Variants in SEC24D observed in about 807,000 individuals in gnomAD.
The protein encoded by SEC24D is protein transport protein Sec24D.
A neutral mutation model predicts 116.9 loss-of-function variants in SEC24D; 69 were observed. The ratio of observed to expected loss-of-function variants is 0.59; its 90% CI spans 0.49 to 0.72. SEC24D has a LOEUF of 0.72. Ranked by LOEUF, SEC24D falls within the 30% of genes least tolerant of loss-of-function variation. The pLI is 0.00. For synonymous variants in SEC24D, 405 were observed against 442.8 expected (o/e 0.91, Z 1.07); for missense variants, 1,131 against 1,264.1 (o/e 0.89, Z 1.60).
chr4:118,817,877 A>C (rs1225431191), intron 3 of SEC24D, among the ~76,000 whole-genome samples: 1 of 152,082 alleles, frequency 6.6e-6, no homozygotes, highest in Non-Finnish European at 1.5e-5. Flanking sequence ...CCTTCTCTAC[A>C]AAAAATAAAA....
intron 8 of SEC24D, among the ~76,000 whole-genome samples, chr4:118,775,449 G>A (rs530522037): frequency 6.6e-6 from 1 of 151,998 alleles, no homozygotes; most frequent in African/African-American, 2.4e-5. Context: ...CACTGAGAGA[G>A]AGAAAGAATT....
chr4:118,752,563 T>C (rs1336961017), intron 12 of SEC24D, 134 bp downstream of exon 12: 1 of 617,042 alleles, frequency 1.6e-6, no homozygotes, highest in Non-Finnish European at 2.7e-6. Flanking sequence ...TTAACATAAA[T>C]GATAGAGTTT....
At chr4:118,755,396 T>C (rs1192950374) in intron 11 of SEC24D, among the ~76,000 whole-genome samples, 10 of 149,540 alleles carry the variant, frequency 6.7e-5, no homozygotes, top group Non-Finnish European at 8.9e-5. Context: ...GGTAACTAGA[T>C]GAACCAGAAA....
intron 1 of SEC24D, among the ~76,000 whole-genome samples, chr4:118,835,346 C>T (rs1731046940): frequency 1.3e-5 from 2 of 152,154 alleles, no homozygotes; most frequent in South Asian, 4.1e-4. Flanking sequence ...GTTAAAGAAA[C>T]CTGACTCAGC....
intron 8 of SEC24D, among the ~76,000 whole-genome samples, chr4:118,789,028 T>G (rs1262779671): frequency 6.6e-6 from 1 of 152,212 alleles, no homozygotes; most frequent in African/African-American, 2.4e-5. Context: ...CTAAAATGAT[T>G]ATTTCAAGAT....
intron 8 of SEC24D, among the ~76,000 whole-genome samples, chr4:118,779,405 T>C (rs867961633): frequency 1.6e-4 from 24 of 152,210 alleles, no homozygotes; most frequent in African/African-American, 5.1e-4. Context: ...TGGATTACAT[T>C]TACTGATTTG....
intron 22 of SEC24D, among the ~76,000 whole-genome samples, chr4:118,725,908 A>G (rs565152055): frequency 6.6e-6 from 1 of 152,338 alleles, no homozygotes; most frequent in South Asian, 2.1e-4. Flanking sequence ...CACCAATAAA[A>G]GGAAAGCATA....
In SEC24D at chr4:118,804,885, TACACACACACACAC is replaced by T. The variant is rs71954957; in HGVS notation, c.913+944_913+957del. Among the ~76,000 whole-genome samples the T allele has an allele frequency of 4.3e-3, 602 of 141,006 alleles. 6 individuals carry two copies. The highest frequency in any genetic ancestry group is 0.014 in the African/African-American group (531 of 37,386). The allele number at this position is 141,006 out of a possible 152,430, so 92.5% of individuals were successfully genotyped here. On this transcript the variant is annotated intron_variant, in intron 7 of 22. Transcript: ENST00000280551. ...AAGCATACTTATGTGTATGCATGCA[TACACACACACACAC>T]ACACACACACACACACACACACACA...
rs558283516 is a variant in SEC24D at position 118,791,506 on chromosome 4, A to G, written c.1041+6177T>C. On this transcript the variant is annotated intron_variant, in intron 8 of 22. Transcript: ENST00000280551. The stretch of plus-strand genomic sequence containing the variant: ...AAGTAAATAAATATTTTTAAAATTT[A>G]TAGCTCTCCCTACTCCCTACTCCCT... Among the ~76,000 whole-genome samples the G allele has an allele frequency of 2.2e-4, 34 of 152,266 alleles. No homozygotes were observed. The South Asian group carries it at 6.9e-3, about 31-fold the overall frequency.
intron 13 of SEC24D, among the ~76,000 whole-genome samples, chr4:118,746,488 A>T (rs1308348737): frequency 1.3e-5 from 2 of 152,086 alleles, no homozygotes; most frequent in Non-Finnish European, 2.9e-5. Flanking sequence ...GGTCACACAA[A>T]CAGTAAATGA....
chr4:118,732,116 A>G (rs1420946795), intron 20 of SEC24D, among the ~76,000 whole-genome samples: 1 of 152,040 alleles, frequency 6.6e-6, no homozygotes, highest in African/African-American at 2.4e-5. Flanking sequence ...TGTTTTGAGC[A>G]AAGAAGTAAT....
chr4:118,804,830 T>C (rs1198600583), intron 7 of SEC24D, among the ~76,000 whole-genome samples: 1 of 151,276 alleles, frequency 6.6e-6, no homozygotes, highest in Non-Finnish European at 1.5e-5. Flanking sequence ...CATGAAACCC[T>C]TCTGTGTATT....
intron 19 of SEC24D, chr4:118,735,897 T>A (rs964044714): frequency 6.6e-6 from 1 of 152,234 alleles, no homozygotes; most frequent in African/African-American, 2.4e-5. Context: ...TTTCGATATG[T>A]TGCCCAGGCT....
chr4:118,815,505 G>A lies in SEC24D; in HGVS notation c.619C>T (p.Gln207Ter), dbSNP rs778079818. The part of the protein sequence containing the change: ...SGPPPPNAQY[Q>*]PPPLPGQTLG... ...GTCTGGCCTGGAAGAGGTGGGGGCT[G>A]GTACTGGGCATTTGGAGGAGGAGGC... The change falls in exon 5 of 23, where the codon CAG becomes TAG. Residue 207 changes from glutamine to a stop codon, truncating the protein, a stop_gained. Transcript: ENST00000280551. LOFTEE classifies it high-confidence loss of function. 1 of 1,614,192 alleles carries A rather than the reference G, an allele frequency of 6.2e-7. No individual in the cohort carries two copies. The highest frequency in any genetic ancestry group is 1.7e-5 in the Admixed American group (1 of 60,024).
In SEC24D at chr4:118,745,073, A is replaced by C. The variant is rs781355412; in HGVS notation, c.1708-13T>G. The C allele has an allele frequency of 4.0e-5, 57 of 1,428,156 alleles. No individual in the cohort carries two copies. The East Asian group carries it at 4.1e-4, about 10-fold the overall frequency. The allele number at this position is 1,428,156 out of a possible 1,614,324, so 88.5% of individuals were successfully genotyped here. A position where few individuals can be genotyped will look rare whatever the true frequency, so the allele number is the denominator to read the frequency against. On this transcript the variant is annotated splice_polypyrimidine_tract_variant and intron_variant, in intron 13 of 22. Transcript: ENST00000280551. ...GACAGTCTGCTGCCTAAAAAAAAAA[A>C]AAAACCCAAAAACCCACAGAAAATG...
rs780570593 is a variant in SEC24D, at chr4:118,739,228, G to A, written c.2298C>T (p.Gly766=). 1.2e-6 allele frequency: 2 copies of A among 1,613,634 alleles called. No homozygotes were observed. The highest frequency in any genetic ancestry group is 1.7e-6 in the Non-Finnish European group (2 of 1,179,630). The change falls in exon 18 of 23, where the codon GGC becomes GGT. Residue 766 remains glycine, a synonymous_variant. Transcript: ENST00000280551. The part of the protein sequence containing the change: ...GQRRLRIHNL[G]LNCSSQLADL... ...CAGCTAGCTGAGAGCTGCAGTTTAA[G>A]CCAAGATTGTGAATCCGAAGTCTTC...
At chr4:118,820,892 T>C (rs1221282252) in intron 3 of SEC24D, among the ~76,000 whole-genome samples, 1 of 152,198 alleles carries the variant, frequency 6.6e-6, no homozygotes, top group Non-Finnish European at 1.5e-5. Context: ...AAAGAATTAC[T>C]ACCAGATGAT....
chr4:118,824,819 T>A, intron 2 of SEC24D, 70 bp from the exon 3 acceptor site: 1 of 1,392,802 alleles, frequency 7.2e-7, no homozygotes, highest in Non-Finnish European at 9.6e-7. Context: ...GTCATTAGGT[T>A]AAAAATGAGA....
intron 8 of SEC24D, among the ~76,000 whole-genome samples, chr4:118,768,534 A>T (rs1727751904): frequency 1.3e-5 from 2 of 151,804 alleles, no homozygotes; most frequent in African/African-American, 4.8e-5. Context: ...GGCTGTGATT[A>T]TAGGTGCCTG....
Sources: gnomAD v4.1 joint callset for allele counts (sites outside exome capture counted in the v4.1 genomes callset) on GRCh38, gnomAD v4.1.1 for gene constraint, MANE v1.5 for transcripts, NCBI Gene and HGNC (gene_info 2026-07-23, HGNC 2026-07-21) for gene names.